PCDHGB7: variants seen among roughly 807,000 people sequenced by gnomAD.
The protein encoded by PCDHGB7 is protocadherin gamma subfamily B, 7, also known as protocadherin gamma-B7.
Under a neutral mutation model 61.4 loss-of-function variants are expected in PCDHGB7, and 37 were observed. That is an observed-to-expected ratio of 0.60 (90% confidence interval 0.46 to 0.79). The LOEUF (loss-of-function observed/expected upper bound fraction) is 0.79. Among genes scored for constraint, PCDHGB7 ranks in the 30% least tolerant of loss-of-function variants. PCDHGB7 has a pLI of 0.00. For missense variants in PCDHGB7, 1,166 were observed against 1,202.5 expected, an observed-to-expected ratio of 0.97 and a Z score of 0.45; for synonymous variants, 464 against 503.5, an observed-to-expected ratio of 0.92 and a Z score of 1.05.
At position 141,485,709 on chromosome 5, in the gene PCDHGB7, C is replaced by A. The variant is rs2099618118; in HGVS notation, c.2416-9098C>A. On this transcript the variant is annotated intron_variant, in intron 1 of 3. Transcript: ENST00000398594. This position sits in a 1 kb window ranked among gnomAD's most constrained non-coding sequence, Gnocchi z 5.7. ...AGGCTGAGCTCCAATGAACACTTTGCACTGGATGTGAAGAAGCGCAGCGAC... is the reference window on the plus strand; with the variant it reads ...AGGCTGAGCTCCAATGAACACTTTGAACTGGATGTGAAGAAGCGCAGCGAC... The A allele has an allele frequency of 1.2e-6, 2 of 1,614,128 alleles. No homozygotes were observed. The highest frequency in any genetic ancestry group is 1.7e-6 in the Non-Finnish European group (2 of 1,180,028).
chr5:141,462,202 C>T (rs188546035), intron 1 of PCDHGB7, among the ~76,000 whole-genome samples: 1,522 of 152,002 alleles, frequency 0.01, 33 homozygotes, highest in African/African-American at 0.034. Flanking sequence ...TCAGGTGATC[C>T]GCCTGCCTCG....
chr5:141,457,273 G>A (rs746102734), intron 1 of PCDHGB7, among the ~76,000 whole-genome samples: 7 of 152,144 alleles, frequency 4.6e-5, no homozygotes, highest in Admixed American at 1.3e-4. Context: ...CCCTCTGTGG[G>A]CCTACGAAGT....
In PCDHGB7 at chr5:141,477,029, A is replaced by C; in HGVS notation, c.2416-17778A>C. 6.2e-7 allele frequency: 1 copy of C among 1,614,238 alleles called. No homozygotes were observed. The highest frequency in any genetic ancestry group is 8.5e-7 in the Non-Finnish European group (1 of 1,180,040). Reference sequence around the variant, plus strand: ...CTTAGACCTTGTAACCGGGATGCTGACAATCAAGGGTCGGCTGGACTTCGA... The same window carrying C: ...CTTAGACCTTGTAACCGGGATGCTGCCAATCAAGGGTCGGCTGGACTTCGA... On this transcript the variant is annotated intron_variant, in intron 1 of 3. Transcript: ENST00000398594. This position sits in a 1 kb window ranked among gnomAD's most constrained non-coding sequence, Gnocchi z 4.9.
intron 2 of PCDHGB7, among the ~76,000 whole-genome samples, chr5:141,503,275 C>T (rs1466636672): frequency 1.3e-5 from 2 of 152,108 alleles, no homozygotes; most frequent in Non-Finnish European, 2.9e-5. Context: ...GCACCTGGCT[C>T]TGTGTCTGGT....
rs761126985 is a variant in PCDHGB7 at position 141,431,245 on chromosome 5, C to G, written c.2415+10971C>G. ...TACCCCACGCCTGGGATCCGGATAT[C>G]GGGAAGAACTCTCTGCAGAGCTACG... is the stretch of plus-strand genomic sequence containing the variant. On this transcript the variant is annotated intron_variant, in intron 1 of 3. Transcript: ENST00000398594. This position sits in a 1 kb window ranked among gnomAD's most constrained non-coding sequence, Gnocchi z 4.8. 1.2e-6 allele frequency: 2 copies of G among 1,614,016 alleles called. No homozygotes were observed. Among genetic ancestry groups the G allele is most frequent in the Non-Finnish European group, 1.7e-6 (2 of 1,180,046 alleles).
chr5:141,473,260 G>T (rs2099318007), intron 1 of PCDHGB7, among the ~76,000 whole-genome samples: 1 of 152,148 alleles, frequency 6.6e-6, no homozygotes, highest in South Asian at 2.1e-4. Flanking sequence ...ATAGTCCTTA[G>T]TGTATGCTAT....
intron 1 of PCDHGB7, among the ~76,000 whole-genome samples, chr5:141,429,774 G>A (rs1175985162): frequency 6.6e-6 from 1 of 152,070 alleles, no homozygotes; most frequent in Non-Finnish European, 1.5e-5. Context: ...ATTTTGATGG[G>A]CTTCCAAAAG....
chr5:141,419,113 C>A lies in PCDHGB7; in HGVS notation c.1254C>A (p.Tyr418Ter). The stretch of plus-strand genomic sequence containing the variant: ...TGGATCGGGAGCAGACCCCAGAGTA[C>A]AACGTCACCATCGCAGCCACAGACA... The part of the protein sequence containing the change: ...EALDREQTPE[Y>*]NVTIAATDRG... The change falls in exon 1 of 4, where the codon TAC becomes TAA. Residue 418 changes from tyrosine (Y) to a stop codon, truncating the protein, a stop_gained. Transcript: ENST00000398594. LOFTEE classifies it high-confidence loss of function. 6.2e-7 allele frequency: 1 copy of A among 1,613,872 alleles called. No homozygotes were observed. Among genetic ancestry groups the A allele is most frequent in the Non-Finnish European group, 8.5e-7 (1 of 1,179,884 alleles).
intron 1 of PCDHGB7, among the ~76,000 whole-genome samples, chr5:141,474,922 C>G (rs748864870): frequency 3.9e-5 from 6 of 152,238 alleles, no homozygotes; most frequent in Non-Finnish European, 8.8e-5. Flanking sequence ...CATCTCATCT[C>G]TGGCTTATAT....
chr5:141,439,680 A>T (rs1478261632), intron 1 of PCDHGB7, among the ~76,000 whole-genome samples: 1 of 152,236 alleles, frequency 6.6e-6, no homozygotes, highest in African/African-American at 2.4e-5. Context: ...ATCCAAGAGC[A>T]GACCCACAAC....
In PCDHGB7 at chr5:141,491,908, G is replaced by T; in HGVS notation, c.2416-2899G>T. ...GGGGCTCCGAGCACCGGGGGTGGTG[G>T]CGACTGTGGGCGAGGGGAGGTGGGA... On this transcript the variant is annotated intron_variant, in intron 1 of 3. Transcript: ENST00000398594. The surrounding 1 kb of genome is among the most constrained non-coding windows in gnomAD (Gnocchi z 6.9). 7.1e-7 allele frequency: 1 copy of T among 1,408,288 alleles called. No homozygotes were observed. Among genetic ancestry groups the T allele is most frequent in the Non-Finnish European group, 9.4e-7 (1 of 1,060,836 alleles). The allele number at this position is 1,408,288 out of a possible 1,614,324, so 87.2% of individuals were successfully genotyped here. A position where few individuals can be genotyped will look rare whatever the true frequency, so the allele number is the denominator to read the frequency against.
At chr5:141,501,288 TATACAC>T (rs201660636) in intron 2 of PCDHGB7, among the ~76,000 whole-genome samples, 3 of 81,324 alleles carry the variant, frequency 3.7e-5, no homozygotes, top group African/African-American at 1.5e-4. Flanking sequence ...GATATTCCCT[TATACAC>T]ACACACACAC....
rs201246978 is a variant in PCDHGB7 at position 141,418,797 on chromosome 5, A to T, written c.938A>T (p.Glu313Val). 3 of 1,613,896 alleles carry T rather than the reference A, an allele frequency of 1.9e-6. No individual in the cohort carries two copies. The highest frequency in any genetic ancestry group is 2.5e-6 in the Non-Finnish European group (3 of 1,179,778). ...TQQPLDFEEVERYTINIEAKD... is the reference protein window; with the variant it reads ...TQQPLDFEEVVRYTINIEAKD... ...CAGCCTTTGGATTTTGAAGAAGTAG[A>T]AAGATATACGATAAACATAGAAGCA... Residue 313 changes from glutamate to valine, a missense_variant, in exon 1 of 4, where the codon GAA becomes GTA. Physicochemically the swap from Glu to Val is moderately radical, Grantham distance 121 (BLOSUM62 -2). Coordinates refer to ENST00000398594, the MANE Select transcript of PCDHGB7 (RefSeq NM_018927.4).
Position 141,419,135 on chromosome 5 carries a change from G to A in PCDHGB7, c.1276G>A (p.Asp426Asn), listed in dbSNP as rs2096331504. The A allele has an allele frequency of 3.1e-6, 5 of 1,613,910 alleles. No homozygotes were observed. The highest frequency in any genetic ancestry group is 4.2e-6 in the Non-Finnish European group (5 of 1,179,894). The change falls in exon 1 of 4, where the codon GAC (aspartate) becomes AAC (asparagine). Residue 426 changes from aspartate (D) to asparagine (N), a missense_variant. Physicochemically the swap from Asp to Asn is conservative, Grantham distance 23 (BLOSUM62 1). Coordinates refer to ENST00000398594, the MANE Select transcript of PCDHGB7 (RefSeq NM_018927.4). ...GTACAACGTCACCATCGCAGCCACA[G>A]ACAGGGGCAAGCCTCCGTTATCCTC... Reference protein sequence around the residue: ...PEYNVTIAATDRGKPPLSSSK... With the variant: ...PEYNVTIAATNRGKPPLSSSK...
Position 141,510,960 on chromosome 5 carries a change from G to C in PCDHGB7, c.2577G>C (p.Gly859=). The change falls in exon 4 of 4, where the codon GGG becomes GGC. Residue 859 remains glycine, a synonymous_variant. Transcript: ENST00000398594. ...CTGTCTCTGCAGAAGCTGCTGATGG[G>C]AGCTCCACCCTGGGAGGGGGTGCCG... The part of the protein sequence containing the change: ...ILASASEAAD[G]SSTLGGGAGT... 1 of 1,614,120 alleles carries C rather than the reference G, an allele frequency of 6.2e-7. No homozygotes were observed. Among genetic ancestry groups the C allele is most frequent in the Non-Finnish European group, 8.5e-7 (1 of 1,180,022 alleles).
chr5:141,443,367 C>T (rs1305408862), intron 1 of PCDHGB7, among the ~76,000 whole-genome samples: 1 of 151,712 alleles, frequency 6.6e-6, no homozygotes, highest in African/African-American at 2.4e-5. Flanking sequence ...TGCCTGTGGT[C>T]TCAGCTACTT....
At chr5:141,454,000 T>C (rs1048921374) in intron 1 of PCDHGB7, among the ~76,000 whole-genome samples, 2 of 152,214 alleles carry the variant, frequency 1.3e-5, no homozygotes, top group African/African-American at 4.8e-5. Flanking sequence ...TAAACCCACA[T>C]AACATTTTAG....
rs577239742 is a variant in PCDHGB7 at position 141,501,564 on chromosome 5, T to C, written c.2475-3829T>C. ...CATAAGATCATAGGCCCTGGAATCA[T>C]ATTAGGCTGGCTTTCAGGTTGCAAC... On this transcript the variant is annotated intron_variant, in intron 2 of 3. Coordinates refer to ENST00000398594, the MANE Select transcript of PCDHGB7 (RefSeq NM_018927.4). 5.9e-5 allele frequency among the ~76,000 whole-genome samples: 9 copies of C among 152,194 alleles called. No individual in the cohort carries two copies. The South Asian group carries it at 1.7e-3, about 28-fold the overall frequency.
chr5:141,490,796 A>G lies in PCDHGB7; in HGVS notation c.2416-4011A>G. ...CCAGAGGATGGACGGATCTTTGCCC[A>G]GCGTACCTTTGACTATGAATTGCTG... On this transcript the variant is annotated intron_variant, in intron 1 of 3. Coordinates refer to ENST00000398594, the MANE Select transcript of PCDHGB7 (RefSeq NM_018927.4). The surrounding 1 kb of genome is among the most constrained non-coding windows in gnomAD (Gnocchi z 5.4). The G allele has an allele frequency of 6.2e-7, 1 of 1,613,978 alleles. No individual in the cohort carries two copies. The highest frequency in any genetic ancestry group is 8.5e-7 in the Non-Finnish European group (1 of 1,179,904).
Sources: allele counts gnomAD v4.1 joint callset (sites outside exome capture counted in the v4.1 genomes callset), GRCh38; gene constraint gnomAD v4.1.1; non-coding constraint Gnocchi (gnomAD v3.1); transcripts MANE v1.5; gene names NCBI Gene and HGNC (gene_info 2026-07-23, HGNC 2026-07-21).